The following GMCL1 variants were observed in gnomAD, a reference collection of about 807,000 sequenced individuals.
GMCL1 encodes the protein germ cell-less 1, spermatogenesis associated, also known as germ cell-less protein-like 1.
GMCL1 carries 54 observed loss-of-function variants against 75.5 expected under a neutral mutation model. The observed-to-expected ratio is 0.71, with a 90% CI of 0.57 to 0.90. The LOEUF is 0.90. GMCL1 is among the 40% of genes least tolerant of loss of function. GMCL1 has a pLI of 0.00. For synonymous variants in GMCL1, 210 were observed against 209.6 expected (o/e 1.00, Z -0.02); for missense variants, 537 against 622.7 (o/e 0.86, Z 1.47).
At chr2:69,839,655 A>T in intron 3 of GMCL1, 102 bp downstream of exon 3, 1 of 711,936 alleles carries the variant, frequency 1.4e-6, no homozygotes, top group Non-Finnish European at 2.4e-6. Context: ...AGTCTAGAAA[A>T]CTCCTTTTAT....
In GMCL1 at chr2:69,861,363, C is replaced by A; in HGVS notation, c.1142+16C>A. Reference sequence around the variant, plus strand: ...GTGAGGTGGGGTAAGTATATTATACCTTATCATTTTTCATTAAAAAAATTT... The same window carrying A: ...GTGAGGTGGGGTAAGTATATTATACATTATCATTTTTCATTAAAAAAATTT... On this transcript the variant is annotated intron_variant, in intron 10 of 13. Coordinates refer to ENST00000282570, the MANE Select transcript of GMCL1 (RefSeq NM_178439.5). 1 of 1,518,556 alleles carries A rather than the reference C, an allele frequency of 6.6e-7. No homozygotes were observed. Among genetic ancestry groups the A allele is most frequent in the East Asian group, 2.3e-5 (1 of 43,930 alleles). The allele number at this position is 1,518,556 out of a possible 1,614,324, so 94.1% of individuals were successfully genotyped here.
rs765502243 is a variant in GMCL1 at position 69,871,752 on chromosome 2, T to A, written c.1372T>A (p.Leu458Met). ...TTTTTTTTTTAATCCTAGATTACGT[T>A]TGGCTTCTTTTGATAGTAGTGGAAA... ...PRRSIAFRLRLASFDSSGKLI... is the reference protein window; with the variant it reads ...PRRSIAFRLRMASFDSSGKLI... The change falls in exon 13 of 14, where the codon TTG becomes ATG. Residue 458 changes from leucine (L) to methionine (M), a missense_variant. Around this residue, in one of 3 missense-constraint regions of GMCL1, gnomAD observed 345 missense variants for 410.5 expected, o/e 0.84. Transcript: ENST00000282570. 1.3e-6 allele frequency: 2 copies of A among 1,541,416 alleles called. No homozygotes were observed. The highest frequency in any genetic ancestry group is 2.8e-5 in the African/African-American group (2 of 72,718).
chr2:69,860,634 T>A (rs565705619), intron 9 of GMCL1, among the ~76,000 whole-genome samples: 21 of 152,246 alleles, frequency 1.4e-4, no homozygotes, highest in African/African-American at 5.1e-4. Flanking sequence ...ATTTTTACAA[T>A]TGAAAAATTA....
At chr2:69,841,940 G>T (rs542816338) in intron 4 of GMCL1, among the ~76,000 whole-genome samples, 5 of 152,274 alleles carry the variant, frequency 3.3e-5, no homozygotes, top group Admixed American at 2.6e-4. Flanking sequence ...TGCAGAAGAG[G>T]GGGGCAGAAG....
At chr2:69,871,962 A>C (rs532045036) in intron 13 of GMCL1, 130 bp downstream of exon 13, 2 of 611,174 alleles carry the variant, frequency 3.3e-6, no homozygotes, top group African/African-American at 3.9e-5. Flanking sequence ...AAGTCTTTTG[A>C]AGGTAAAGAT....
Position 69,829,717 on chromosome 2 carries a change from G to C in GMCL1, c.-176G>C. The stretch of plus-strand genomic sequence containing the variant: ...GCGGTGCTAGAGCGCGGCGCGACCG[G>C]ACGCTGCGGGCGGGGAAGAGGATGG... On this transcript the variant is annotated 5_prime_UTR_variant, in exon 1 of 14. Coordinates refer to ENST00000282570, the MANE Select transcript of GMCL1 (RefSeq NM_178439.5). 1.4e-6 allele frequency: 1 copy of C among 702,298 alleles called. No individual in the cohort carries two copies. Among genetic ancestry groups the C allele is most frequent in the South Asian group, 2.0e-5 (1 of 49,772 alleles). 43.5% of individuals were successfully genotyped at this position (702,298 alleles called of 1,614,324 possible).
chr2:69,844,880 CT>C, intron 6 of GMCL1: 1 of 369,774 alleles, frequency 2.7e-6, no homozygotes, highest in Non-Finnish European at 5.8e-6. Context: ...ATTCCCACTC[CT>C]GATGAGAGAA....
chr2:69,841,065 A>G (rs868143327), intron 4 of GMCL1, 26 bp downstream of exon 4: 5 of 1,520,944 alleles, frequency 3.3e-6, no homozygotes, highest in Middle Eastern at 3.4e-4. Context: ...ATTCGAAGAA[A>G]GGTTCAGAAT....
In GMCL1 at chr2:69,857,087, A is replaced by G. The variant is rs75341047; in HGVS notation, c.1072+2127A>G. Among the ~76,000 whole-genome samples, 44 of 152,276 alleles carry G rather than the reference A, an allele frequency of 2.9e-4. No homozygotes were observed. In the East Asian group the frequency reaches 7.7e-3, roughly 27 times the overall value. On this transcript the variant is annotated intron_variant, in intron 9 of 13. Transcript: ENST00000282570. ...TCAGAAACCTGGTAGTTTTCAGGCT[A>G]TTATATAGCCTAGCATGTTCATAGC...
Position 69,847,615 on chromosome 2 carries a change from T to C in GMCL1, c.831T>C (p.Thr277=). The C allele has an allele frequency of 7.5e-6, 12 of 1,602,792 alleles. No individual in the cohort carries two copies. The highest frequency in any genetic ancestry group is 1.0e-5 in the Non-Finnish European group (12 of 1,170,316). ...TGCAAGTGGAGATGGATATATACAC[T>C]GCTCTAAAAAAGGTACTGACGTAAT... is the stretch of plus-strand genomic sequence containing the variant. ...FVMQVEMDIY[T]ALKKWMFLQL... The change falls in exon 7 of 14, where the codon ACT becomes ACC. Residue 277 remains threonine, a synonymous_variant. Coordinates refer to ENST00000282570, the MANE Select transcript of GMCL1 (RefSeq NM_178439.5).
At chr2:69,878,111 G>A (rs905281088) in intron 13 of GMCL1, among the ~76,000 whole-genome samples, 1 of 152,192 alleles carries the variant, frequency 6.6e-6, no homozygotes, top group African/African-American at 2.4e-5. Flanking sequence ...TTATATTTGT[G>A]TAGTGTCAGC....
At chr2:69,858,588 A>G (rs1457492201) in intron 9 of GMCL1, among the ~76,000 whole-genome samples, 1 of 152,116 alleles carries the variant, frequency 6.6e-6, no homozygotes, top group Non-Finnish European at 1.5e-5. Flanking sequence ...ATATTTTACC[A>G]GGGATTCTTT....
chr2:69,856,315 G>A (rs1444315347), intron 9 of GMCL1, among the ~76,000 whole-genome samples: 3 of 152,046 alleles, frequency 2.0e-5, no homozygotes, highest in Admixed American at 6.6e-5. Flanking sequence ...AAAGTTAGGC[G>A]TTTGGCAATA....
intron 2 of GMCL1, among the ~76,000 whole-genome samples, chr2:69,837,923 C>T (rs577359505): frequency 1.7e-4 from 26 of 152,102 alleles, no homozygotes; most frequent in African/African-American, 6.3e-4. Context: ...ATGCTTTTTT[C>T]GGTGCCTTCT....
intron 11 of GMCL1, among the ~76,000 whole-genome samples, chr2:69,867,058 C>G (rs1485633781): frequency 6.6e-6 from 1 of 152,002 alleles, no homozygotes; most frequent in Non-Finnish European, 1.5e-5. Flanking sequence ...GATCCTCCCA[C>G]CTGAGCCTCC....
chr2:69,879,566 T>C lies in GMCL1; in HGVS notation c.*562T>C, dbSNP rs1264950619. 1 of 152,228 alleles carries C rather than the reference T, an allele frequency of 6.6e-6. No homozygotes were observed. Among genetic ancestry groups the C allele is most frequent in the Non-Finnish European group, 1.5e-5 (1 of 68,036 alleles). The allele number at this position is 152,228 out of a possible 1,614,324, so 9.4% of individuals were successfully genotyped here. A position where few individuals can be genotyped will look rare whatever the true frequency, so the allele number is the denominator to read the frequency against. On this transcript the variant is annotated 3_prime_UTR_variant, in exon 14 of 14. Coordinates refer to ENST00000282570, the MANE Select transcript of GMCL1 (RefSeq NM_178439.5). Reference sequence around the variant, plus strand: ...CTAATATCTTTCCAGGTCATACTTGTTTTTAATCATTAAATATTTTCTTCC... The same window carrying C: ...CTAATATCTTTCCAGGTCATACTTGCTTTTAATCATTAAATATTTTCTTCC...
At position 69,864,913 on chromosome 2, in the gene GMCL1, A is replaced by T; in HGVS notation, c.1156A>T (p.Asn386Tyr). 1 of 1,611,578 alleles carries T rather than the reference A, an allele frequency of 6.2e-7. No individual in the cohort carries two copies. The highest frequency in any genetic ancestry group is 8.5e-7 in the Non-Finnish European group (1 of 1,177,910). ...GTATATTTTTAGGCCTCAAGAAATC[A>T]ATAAAGAAGAACTAGAGGGAAACAG... ...QDSEVGPQEI[N>Y]KEELEGNSMR... Residue 386 changes from asparagine (N) to tyrosine (Y), a missense_variant, in exon 11 of 14, where the codon AAT (asparagine) becomes TAT (tyrosine). Transcript: ENST00000282570.
chr2:69,849,599 A>G, intron 7 of GMCL1, 53 bp from the exon 8 acceptor site: 1 of 1,194,704 alleles, frequency 8.4e-7, no homozygotes, highest in Non-Finnish European at 1.2e-6. Context: ...ATGTAAAATC[A>G]TAAAATGATG....
At position 69,851,948 on chromosome 2, in the gene GMCL1, G is replaced by C. The variant is rs144166171; in HGVS notation, c.934+2206G>C. ...TAAAAATGTGTAAAGAACCATATCA[G>C]TGAAATATAACTTGATTTCCTTGAA... On this transcript the variant is annotated intron_variant, in intron 8 of 13. Transcript: ENST00000282570. 1.3e-5 allele frequency among the ~76,000 whole-genome samples: 2 copies of C among 152,244 alleles called. 1 individual carries two copies. The highest frequency in any genetic ancestry group is 3.9e-4 in the East Asian group (2 of 5,192).
Sources: gnomAD v4.1 joint callset for allele counts (sites outside exome capture counted in the v4.1 genomes callset) on GRCh38, gnomAD v4.1.1 for gene constraint, gnomAD v4.1.1 regional missense constraint, MANE v1.5 for transcripts, NCBI Gene and HGNC (gene_info 2026-07-23, HGNC 2026-07-21) for gene names.